KAZN: variants seen among roughly 807,000 people sequenced by gnomAD.
KAZN encodes the protein kazrin, periplakin interacting protein.
KAZN carries 40 observed loss-of-function variants against 87.4 expected under a neutral mutation model. The observed-to-expected ratio is 0.46, with a 90% confidence interval of 0.36 to 0.60. The LOEUF is 0.60. KAZN is among the 20% of genes least tolerant of loss of function. The pLI is 0.00. For missense variants in KAZN, 898 were observed against 1,073.9 expected (o/e 0.84, Z 2.29); for synonymous variants, 466 against 458.3 (o/e 1.02, Z -0.22).
In KAZN at chr1:14,130,535, T is replaced by A. The variant is rs1644969908; in HGVS notation, c.92-49900T>A. Among the ~76,000 whole-genome samples, 5 of 100,078 alleles carry A rather than the reference T, an allele frequency of 5.0e-5. No homozygotes were observed. In the Admixed American group the frequency reaches 6.0e-4, roughly 12 times the overall value. The allele number at this position is 100,078 out of a possible 152,430, so 65.7% of individuals were successfully genotyped here. ...ATGTAGCATGTCTTGTGGGAGCAGG[T>A]CTTTTGGGGTGGAGGGAGGAGATCT... On this transcript the variant is annotated intron_variant, in intron 1 of 16. Coordinates refer to the KAZN transcript ENST00000636203.
chr1:14,568,388 T>A (rs1557805680), intron 2 of KAZN, among the ~76,000 whole-genome samples: 1 of 152,154 alleles, frequency 6.6e-6, no homozygotes, highest in Non-Finnish European at 1.5e-5. Context: ...TACCTAAGAC[T>A]GGGTAATTTA....
At chr1:14,389,574 T>C (rs1662244797) in intron 2 of KAZN, among the ~76,000 whole-genome samples, 1 of 152,200 alleles carries the variant, frequency 6.6e-6, no homozygotes, top group African/African-American at 2.4e-5. Context: ...TGGAGGCCAT[T>C]ATGTTAAGTG....
intron 2 of KAZN, among the ~76,000 whole-genome samples, chr1:14,268,905 C>A (rs1166189121): frequency 6.6e-6 from 1 of 152,204 alleles, no homozygotes; most frequent in Non-Finnish European, 1.5e-5. Flanking sequence ...GTACAGTAAT[C>A]CAGGATAAGT....
intron 1 of KAZN, among the ~76,000 whole-genome samples, chr1:14,779,065 C>G (rs930193061): frequency 6.6e-6 from 1 of 152,170 alleles, no homozygotes; most frequent in African/African-American, 2.4e-5. Context: ...GGTGAAGCTG[C>G]AGACCTTTTA....
intron 2 of KAZN, among the ~76,000 whole-genome samples, chr1:14,537,357 G>C (rs536114028): frequency 6.6e-6 from 1 of 152,320 alleles, no homozygotes; most frequent in East Asian, 1.9e-4. Context: ...TGCCACTCTT[G>C]AGCATGTGAA....
At chr1:14,249,128 C>T (rs914171264) in intron 2 of KAZN, among the ~76,000 whole-genome samples, 7 of 152,232 alleles carry the variant, frequency 4.6e-5, no homozygotes, top group African/African-American at 1.7e-4. Flanking sequence ...AAACCATCCC[C>T]ACTCTGCTGT....
At chr1:14,223,008 A>G (rs1647141543) in intron 2 of KAZN, 1 of 152,174 alleles carries the variant, frequency 6.6e-6, no homozygotes. Flanking sequence ...AGACTATAAA[A>G]ATATAAAGAG....
At chr1:14,327,876 G>A (rs1476514594) in intron 2 of KAZN, among the ~76,000 whole-genome samples, 3 of 152,208 alleles carry the variant, frequency 2.0e-5, no homozygotes, top group Admixed American at 6.5e-5. Flanking sequence ...ACATGAGAAT[G>A]CTTAAAGAAG....
At chr1:14,272,320 A>G (rs1652010695) in intron 2 of KAZN, among the ~76,000 whole-genome samples, 2 of 152,188 alleles carry the variant, frequency 1.3e-5, no homozygotes, top group African/African-American at 2.4e-5. Flanking sequence ...GAAGTTCAAG[A>G]AATGCAAACA....
intron 4 of KAZN, among the ~76,000 whole-genome samples, chr1:15,052,685 G>A (rs535973601): frequency 1.8e-4 from 28 of 152,222 alleles, no homozygotes; most frequent in Admixed American, 1.2e-3. Flanking sequence ...CTTCACACGC[G>A]TCATCTGCAG....
At chr1:14,729,264 GTGAC>G (rs1490540457) in intron 1 of KAZN, among the ~76,000 whole-genome samples, 1 of 152,214 alleles carries the variant, frequency 6.6e-6, no homozygotes, top group African/African-American at 2.4e-5. Flanking sequence ...AAGAGACTTA[GTGAC>G]CCTTGCTATC....
At chr1:14,035,564 A>G (rs568720023) in intron 1 of KAZN, among the ~76,000 whole-genome samples, 12 of 151,256 alleles carry the variant, frequency 7.9e-5, no homozygotes, top group Non-Finnish European at 1.2e-4. Flanking sequence ...GGCTCAAGCA[A>G]TCCTCCCAGA....
At chr1:14,701,674 G>A (rs1641928519) in intron 1 of KAZN, among the ~76,000 whole-genome samples, 1 of 152,200 alleles carries the variant, frequency 6.6e-6, no homozygotes, top group South Asian at 2.1e-4. Flanking sequence ...ATGAGCACCT[G>A]TAGTCCCAGC....
At chr1:13,923,572 C>CAAAAAAAA (rs58947999) in intron 1 of KAZN, among the ~76,000 whole-genome samples, 1 of 55,908 alleles carries the variant, frequency 1.8e-5, no homozygotes, top group Non-Finnish European at 3.5e-5. Context: ...GACTCCATCT[C>CAAAAAAAA]AAAAAAAAAA....
chr1:15,103,354 A>T lies in KAZN; in HGVS notation c.1780-5A>T, dbSNP rs910840440. On this transcript the variant is annotated splice_region_variant and splice_polypyrimidine_tract_variant and intron_variant, in intron 11 of 14. Coordinates refer to ENST00000376030, the MANE Select transcript of KAZN (RefSeq NM_201628.3). ...CCTCCGAATGACCCACTGTCTCCCC[A>T]CAAGGCCCTCCAGGAGCGCCGGGCC... 2 of 1,550,454 alleles carry T rather than the reference A, an allele frequency of 1.3e-6. No individual in the cohort carries two copies. Among genetic ancestry groups the T allele is most frequent in the Non-Finnish European group, 1.7e-6 (2 of 1,146,374 alleles).
In KAZN at chr1:15,043,899, A is replaced by T. The variant is rs984157236; in HGVS notation, c.556-90A>T. ...ACCTCGTGACCCCACTTCTTTTTCCATCTAGGAGTTAGGCCCCCTCTAGGC... is the reference window on the plus strand; with the variant it reads ...ACCTCGTGACCCCACTTCTTTTTCCTTCTAGGAGTTAGGCCCCCTCTAGGC... On this transcript the variant is annotated intron_variant, in intron 3 of 14. Transcript: ENST00000376030. 3 of 1,317,018 alleles carry T rather than the reference A, an allele frequency of 2.3e-6. No individual in the cohort carries two copies. In the African/African-American group the frequency reaches 4.5e-5, roughly 20 times the overall value. 81.6% of individuals were successfully genotyped at this position (1,317,018 alleles called of 1,614,324 possible).
chr1:14,325,500 C>CAT (rs370879128), intron 2 of KAZN, among the ~76,000 whole-genome samples: 22 of 152,146 alleles, frequency 1.4e-4, no homozygotes, highest in African/African-American at 5.1e-4. Context: ...CACCATAAAG[C>CAT]ATACCAACAT....
chr1:14,693,961 G>A (rs1641462190), intron 1 of KAZN, among the ~76,000 whole-genome samples: 1 of 152,180 alleles, frequency 6.6e-6, no homozygotes, highest in South Asian at 2.1e-4. Flanking sequence ...AATGTAGCAT[G>A]CAGTCTAAGC....
chr1:14,639,586 C>T (rs1340361589), intron 1 of KAZN, among the ~76,000 whole-genome samples: 3 of 152,060 alleles, frequency 2.0e-5, no homozygotes, highest in Non-Finnish European at 4.4e-5. Flanking sequence ...CGGGAGAGGC[C>T]GAGTGGCTTC....
Sources: gnomAD v4.1 joint callset for allele counts (sites outside exome capture counted in the v4.1 genomes callset) on GRCh38, gnomAD v4.1.1 for gene constraint, MANE v1.5 for transcripts, NCBI Gene and HGNC (gene_info 2026-07-23, HGNC 2026-07-21) for gene names.